Variants in EPB41 observed in about 807,000 individuals in gnomAD.
EPB41 encodes the protein protein 4.1.
A neutral mutation model predicts 108.0 loss-of-function variants in EPB41; 65 were observed. The observed-to-expected ratio is 0.60, with a 90% confidence interval of 0.49 to 0.74. The LOEUF (loss-of-function observed/expected upper bound fraction) is 0.74, where lower values mean the gene tolerates loss of function less well. Ranked by LOEUF, EPB41 falls within the 30% of genes least tolerant of loss-of-function variation. EPB41 has a pLI of 0.00. For missense variants in EPB41, 875 were observed against 1,037.0 expected, an observed-to-expected ratio of 0.84 and a Z score of 2.15; for synonymous variants, 336 against 358.9, an observed-to-expected ratio of 0.94 and a Z score of 0.72.
At position 29,044,493 on chromosome 1, in the gene EPB41, G is replaced by A. The variant is rs184741376; in HGVS notation, c.1636+5067G>A. 4.2e-3 allele frequency among the ~76,000 whole-genome samples: 641 copies of A among 152,134 alleles called. 4 individuals carry two copies. Among genetic ancestry groups the A allele is most frequent in the African/African-American group, 0.014 (584 of 41,508 alleles). ...TATATTCTGAATTTTTTTTTAAGAT[G>A]TATGGTCTTAACTTTTCATGGTAAT... On this transcript the variant is annotated intron_variant, in intron 11 of 20. Coordinates refer to ENST00000343067, the MANE Select transcript of EPB41 (RefSeq NM_001376013.1).
Position 28,987,683 on chromosome 1 carries a change from A to C in EPB41, c.246A>C (p.Leu82=), listed in dbSNP as rs760285496. The change falls in exon 2 of 21, where the codon CTA becomes CTC. Residue 82 remains leucine (L), a synonymous_variant. Coordinates refer to ENST00000343067, the MANE Select transcript of EPB41 (RefSeq NM_001376013.1). ...RTSESRGLSR[L]FSSFLKRPKS... The stretch of plus-strand genomic sequence containing the variant: ...CAGAAAGCAGAGGACTTTCACGACT[A>C]TTCTCCTCGTTTCTCAAAAGGCCCA... 1 of 1,614,248 alleles carries C rather than the reference A, an allele frequency of 6.2e-7. No individual in the cohort carries two copies. Among genetic ancestry groups the C allele is most frequent in the Non-Finnish European group, 8.5e-7 (1 of 1,180,042 alleles).
chr1:29,062,832 ATCTTAATTTTAC>A (rs1226300131), intron 15 of EPB41, among the ~76,000 whole-genome samples: 1 of 152,108 alleles, frequency 6.6e-6, no homozygotes, highest in Admixed American at 6.5e-5. Flanking sequence ...TCCCTTTGAG[ATCTTAATTTTAC>A]TCTGTGCCCC....
chr1:29,003,211 AT>A (rs2096334735), intron 4 of EPB41, among the ~76,000 whole-genome samples: 2 of 152,250 alleles, frequency 1.3e-5, no homozygotes, highest in Admixed American at 6.5e-5. Context: ...AGTAAAGTTC[AT>A]AGTAAATCAT....
At chr1:28,891,935 A>G (rs1185013142) in intron 1 of EPB41, among the ~76,000 whole-genome samples, 1 of 152,036 alleles carries the variant, frequency 6.6e-6, no homozygotes, top group Non-Finnish European at 1.5e-5. Flanking sequence ...TAAAAATACA[A>G]AAAATTAGCT....
chr1:28,949,066 CAG>C (rs1310436374), intron 1 of EPB41, among the ~76,000 whole-genome samples: 2 of 152,204 alleles, frequency 1.3e-5, no homozygotes, highest in Non-Finnish European at 2.9e-5. Context: ...TTGAATCTAC[CAG>C]TGCTCTCTTC....
Position 29,053,241 on chromosome 1 carries a change from G to A in EPB41, c.1774G>A (p.Val592Met). 6.2e-7 allele frequency: 1 copy of A among 1,614,186 alleles called. No homozygotes were observed. Among genetic ancestry groups the A allele is most frequent in the Non-Finnish European group, 8.5e-7 (1 of 1,180,042 alleles). The change falls in exon 12 of 21, where the codon GTG (valine) becomes ATG (methionine). Residue 592 changes from valine (V) to methionine (M), a missense_variant. Around this residue, in one of 3 missense-constraint regions of EPB41, gnomAD observed 519 missense variants for 627.3 expected, o/e 0.83. Coordinates refer to ENST00000343067, the MANE Select transcript of EPB41 (RefSeq NM_001376013.1). ...TVVPKAQKETVKAEVKKEDEP... is the reference protein window; with the variant it reads ...TVVPKAQKETMKAEVKKEDEP... The stretch of plus-strand genomic sequence containing the variant: ...GGTCCCTAAAGCACAGAAGGAAACA[G>A]TGAAGGCTGAAGTGAAAAAGGAAGA...
intron 1 of EPB41, among the ~76,000 whole-genome samples, chr1:28,929,594 C>T (rs1309613050): frequency 4.0e-5 from 6 of 151,494 alleles, no homozygotes; most frequent in African/African-American, 1.5e-4. Flanking sequence ...TGCAATGGCG[C>T]GATCTTGGCT....
rs144584615 is a variant in EPB41 at position 28,980,002 on chromosome 1, A to C, written c.-7-7429A>C. ...CCCCAATGCATTTGGCAGAAAATTC[A>C]GATGAATGGATTGGCCACACAATAC... is the stretch of plus-strand genomic sequence containing the variant. On this transcript the variant is annotated intron_variant, in intron 1 of 20. Coordinates refer to ENST00000343067, the MANE Select transcript of EPB41 (RefSeq NM_001376013.1). Among the ~76,000 whole-genome samples, 661 of 152,366 alleles carry C rather than the reference A, an allele frequency of 4.3e-3. 4 individuals are homozygous for C. The highest frequency in any genetic ancestry group is 0.015 in the African/African-American group (628 of 41,588).
chr1:29,003,960 A>G (rs532248639), intron 4 of EPB41, among the ~76,000 whole-genome samples: 63 of 152,162 alleles, frequency 4.1e-4, no homozygotes, highest in African/African-American at 1.5e-3. Flanking sequence ...ACAGAGTTTC[A>G]CCATGTTGGT....
chr1:29,114,743 T>A (rs533247768), intron 19 of EPB41, among the ~76,000 whole-genome samples: 1 of 151,544 alleles, frequency 6.6e-6, no homozygotes, highest in East Asian at 1.9e-4. Flanking sequence ...ATGCAAAAAA[T>A]TACATTACCT....
At chr1:28,935,779 C>T (rs1369550000) in intron 1 of EPB41, among the ~76,000 whole-genome samples, 7 of 151,400 alleles carry the variant, frequency 4.6e-5, no homozygotes, top group East Asian at 2.0e-4. Flanking sequence ...ATTAGCTGGG[C>T]GTGGTGGCAC....
intron 16 of EPB41, chr1:29,070,411 G>T: frequency 8.1e-7 from 1 of 1,232,082 alleles, no homozygotes; most frequent in Non-Finnish European, 1.0e-6. Context: ...AAATTAAAAG[G>T]CAAGAAAGAT....
At chr1:28,888,305 G>T (rs1268571241) in intron 1 of EPB41, among the ~76,000 whole-genome samples, 2 of 152,234 alleles carry the variant, frequency 1.3e-5, no homozygotes, top group Non-Finnish European at 2.9e-5. Flanking sequence ...CTCAGCTATT[G>T]AAGGGGAGCG....
intron 1 of EPB41, among the ~76,000 whole-genome samples, chr1:28,925,914 A>G (rs1241402884): frequency 5.3e-5 from 8 of 152,156 alleles, no homozygotes. Context: ...GACTCTGTTT[A>G]TATATGTGAT....
intron 9 of EPB41, among the ~76,000 whole-genome samples, chr1:29,034,973 G>GTTTTTTTTTTTTTT (rs10580931): frequency 8.0e-5 from 7 of 87,180 alleles, no homozygotes; most frequent in Admixed American, 1.5e-4. Flanking sequence ...TTTGTTTGTT[G>GTTTTTTTTTTTTTT]TTTTTTTTTT....
At chr1:29,029,701 G>A (rs767431664) in intron 7 of EPB41, among the ~76,000 whole-genome samples, 19 of 152,316 alleles carry the variant, frequency 1.2e-4, no homozygotes, top group Middle Eastern at 3.4e-3. Flanking sequence ...CGAGTGTTTA[G>A]ACAGTGAGAC....
chr1:28,931,467 T>G (rs184852744), intron 1 of EPB41, among the ~76,000 whole-genome samples: 1 of 151,846 alleles, frequency 6.6e-6, no homozygotes, highest in Non-Finnish European at 1.5e-5. Flanking sequence ...GGTGTCATAG[T>G]TCATTTTTTT....
chr1:28,993,324 A>C lies in EPB41; in HGVS notation c.469-6A>C. On this transcript the variant is annotated splice_polypyrimidine_tract_variant and splice_region_variant and intron_variant, in intron 2 of 20. Coordinates refer to ENST00000343067, the MANE Select transcript of EPB41 (RefSeq NM_001376013.1). The stretch of plus-strand genomic sequence containing the variant: ...TTACTGACTTGGCGATGTCATGGAT[A>C]TGTAGCCTGCTCAGGAAGAACTCAG... 6.2e-7 allele frequency: 1 copy of C among 1,611,636 alleles called. No homozygotes were observed. Among genetic ancestry groups the C allele is most frequent in the South Asian group, 1.1e-5 (1 of 90,942 alleles).
chr1:28,906,535 A>G (rs1361366922), intron 1 of EPB41, among the ~76,000 whole-genome samples: 1 of 152,058 alleles, frequency 6.6e-6, no homozygotes, highest in Non-Finnish European at 1.5e-5. Context: ...AGGGTTGGAG[A>G]GGGTCATGGG....
Sources: allele counts gnomAD v4.1 joint callset (sites outside exome capture counted in the v4.1 genomes callset), GRCh38; gene constraint gnomAD v4.1.1; regional missense constraint gnomAD v4.1.1; transcripts MANE v1.5; gene names NCBI Gene and HGNC (gene_info 2026-07-23, HGNC 2026-07-21).